The following TNFSF4 variants were observed in gnomAD, a reference collection of about 807,000 sequenced individuals.
The protein encoded by TNFSF4 is tumor necrosis factor ligand superfamily member 4.
In TNFSF4, 4 loss-of-function variants were observed where a neutral mutation model predicts 7.3. The ratio of observed to expected loss-of-function variants is 0.55; its 90% CI spans 0.27 to 1.25. The LOEUF is 1.25. Among genes scored for constraint, TNFSF4 ranks in the 50% most tolerant of loss-of-function variants. TNFSF4 has a pLI of 0.12. For synonymous variants in TNFSF4, 76 were observed against 83.7 expected, an observed-to-expected ratio of 0.91 and a Z score of 0.50; for missense variants, 181 against 208.8, an observed-to-expected ratio of 0.87 and a Z score of 0.82.
chr1:173,245,663 C>T, the TNFSF4 span, among the ~76,000 whole-genome samples: 1 of 152,196 alleles, frequency 6.6e-6, no homozygotes, highest in African/African-American at 2.4e-5. Context: ...AGTCACCCTA[C>T]TGTGCAATAG....
chr1:173,363,910 CTG>C, the TNFSF4 span, among the ~76,000 whole-genome samples: 1 of 152,190 alleles, frequency 6.6e-6, no homozygotes, highest in Non-Finnish European at 1.5e-5. Context: ...CTTTCTTAGT[CTG>C]TTGGGGACAA....
the TNFSF4 span, among the ~76,000 whole-genome samples, chr1:173,262,707 A>G: frequency 1.4e-5 from 2 of 142,480 alleles, no homozygotes; most frequent in African/African-American, 5.3e-5. Flanking sequence ...GGTTCATGCC[A>G]TTCTCCTGCC....
the TNFSF4 span, among the ~76,000 whole-genome samples, chr1:173,230,251 A>T: frequency 6.6e-6 from 1 of 152,220 alleles, no homozygotes; most frequent in Admixed American, 6.5e-5. Flanking sequence ...AGTGCAATCA[A>T]ATTAGAACTC....
chr1:173,308,177 G>T, the TNFSF4 span, among the ~76,000 whole-genome samples: 1 of 151,506 alleles, frequency 6.6e-6, no homozygotes, highest in African/African-American at 2.4e-5. Context: ...TCTTATAATG[G>T]TATCTTTTGA....
In TNFSF4 at chr1:173,184,995, T is replaced by C. The variant is rs1003355117; in HGVS notation, c.*1521A>G. 3 of 152,130 alleles carry C rather than the reference T, an allele frequency of 2.0e-5. No individual in the cohort carries two copies. Among genetic ancestry groups the C allele is most frequent in the Admixed American group, 2.0e-4 (3 of 15,280 alleles). The allele number at this position is 152,130 out of a possible 1,614,324, so 9.4% of individuals were successfully genotyped here. On this transcript the variant is annotated 3_prime_UTR_variant, in exon 3 of 3. Transcript: ENST00000281834. Reference sequence around the variant, plus strand: ...AGGGATGGGAATATAGTTGAAGGTGTACTTAAGAGGAAATAGAAAACAGGA... The same window carrying C: ...AGGGATGGGAATATAGTTGAAGGTGCACTTAAGAGGAAATAGAAAACAGGA...
At chr1:173,284,678 C>T in the TNFSF4 span, among the ~76,000 whole-genome samples, 4 of 152,178 alleles carry the variant, frequency 2.6e-5, no homozygotes, top group Admixed American at 2.6e-4. Flanking sequence ...ATCCTAGGGC[C>T]CTTAAGTAAA....
the TNFSF4 span, among the ~76,000 whole-genome samples, chr1:173,385,027 T>C: frequency 6.6e-6 from 1 of 152,240 alleles, no homozygotes; most frequent in African/African-American, 2.4e-5. Context: ...AACAGGACTC[T>C]AGTACTAATT....
chr1:173,342,852 G>A, the TNFSF4 span, among the ~76,000 whole-genome samples: 43 of 152,224 alleles, frequency 2.8e-4, no homozygotes, highest in Non-Finnish European at 4.7e-4. Flanking sequence ...AGAAGTGATC[G>A]TTTGGTAGTG....
the TNFSF4 span, among the ~76,000 whole-genome samples, chr1:173,346,228 C>T: frequency 6.6e-6 from 1 of 152,146 alleles, no homozygotes; most frequent in Non-Finnish European, 1.5e-5. Flanking sequence ...GTTGCTTGAA[C>T]ATCATCAGAA....
chr1:173,289,909 G>A, the TNFSF4 span, among the ~76,000 whole-genome samples: 1 of 151,452 alleles, frequency 6.6e-6, no homozygotes, highest in Admixed American at 6.6e-5. Context: ...CAACAGAAGT[G>A]TAACTGGAGT....
At chr1:173,201,514 T>A (rs1332028325) in intron 1 of TNFSF4, among the ~76,000 whole-genome samples, 6 of 152,176 alleles carry the variant, frequency 3.9e-5, no homozygotes, top group Admixed American at 2.0e-4. Context: ...AATAATAATC[T>A]TAGCATTTAC....
At chr1:173,314,913 A>G in the TNFSF4 span, among the ~76,000 whole-genome samples, 2 of 152,080 alleles carry the variant, frequency 1.3e-5, no homozygotes, top group South Asian at 2.1e-4. Context: ...ATAGCACCGA[A>G]CATTAGCTAT....
the TNFSF4 span, among the ~76,000 whole-genome samples, chr1:173,268,568 G>T: frequency 6.6e-6 from 1 of 151,774 alleles, no homozygotes; most frequent in East Asian, 1.9e-4. Flanking sequence ...AAATACAAAT[G>T]AAACTCTTAA....
chr1:173,259,903 A>T, the TNFSF4 span, among the ~76,000 whole-genome samples: 3 of 152,202 alleles, frequency 2.0e-5, no homozygotes, highest in Non-Finnish European at 4.4e-5. Flanking sequence ...TGGAACAAAG[A>T]TGGAAAACAT....
At chr1:173,423,921 T>G in the TNFSF4 span, among the ~76,000 whole-genome samples, 1 of 152,132 alleles carries the variant, frequency 6.6e-6, no homozygotes, top group South Asian at 2.1e-4. Context: ...GCAGGTTTGG[T>G]GGCTGGAAAC....
intron 1 of TNFSF4, among the ~76,000 whole-genome samples, chr1:173,193,004 A>G (rs569026077): frequency 1.3e-5 from 2 of 152,338 alleles, no homozygotes; most frequent in South Asian, 4.1e-4. Context: ...ACATAATACT[A>G]TATAAACTAT....
chr1:173,182,480 C>T (rs1296276291), downstream of TNFSF4, among the ~76,000 whole-genome samples: 1 of 152,146 alleles, frequency 6.6e-6, no homozygotes, highest in Non-Finnish European at 1.5e-5. Context: ...CTAAGCCCCA[C>T]CACTTAGTAG....
the TNFSF4 span, among the ~76,000 whole-genome samples, chr1:173,217,315 C>G: frequency 6.6e-6 from 1 of 152,152 alleles, no homozygotes; most frequent in Non-Finnish European, 1.5e-5. Flanking sequence ...TTCCTTCTGC[C>G]CCTTCAGCTC....
chr1:173,219,634 G>T, the TNFSF4 span, among the ~76,000 whole-genome samples: 1 of 151,112 alleles, frequency 6.6e-6, no homozygotes, highest in African/African-American at 2.4e-5. Context: ...CAGCTCAAAT[G>T]CCCATCAATC....
Sources: allele counts gnomAD v4.1 joint callset (sites outside exome capture counted in the v4.1 genomes callset), GRCh38; gene constraint gnomAD v4.1.1; transcripts MANE v1.5; gene names NCBI Gene and HGNC (gene_info 2026-07-23, HGNC 2026-07-21).